CEP63: variants seen among roughly 807,000 people sequenced by gnomAD.
CEP63 encodes centrosomal protein 63.
Under a neutral mutation model 89.1 loss-of-function variants are expected in CEP63, and 84 were observed. The observed-to-expected ratio is 0.94, with a 90% confidence interval of 0.79 to 1.13. The LOEUF is 1.13. CEP63 is among the 50% of genes most tolerant of loss of function. The probability of loss-of-function intolerance (pLI) is 0.00; values close to 1 mark genes in which losing one functional copy is unlikely to be tolerated. For synonymous variants in CEP63, 267 were observed against 272.5 expected (o/e 0.98, Z 0.20); for missense variants, 838 against 813.3 (o/e 1.03, Z -0.37).
At chr3:134,726,890 C>T in the CEP63 span, among the ~76,000 whole-genome samples, 152 of 152,300 alleles carry the variant, frequency 1.0e-3, 3 homozygotes, top group East Asian at 0.026. Context: ...TGGCCTTCTC[C>T]TGTTCCAGCC....
chr3:134,738,379 T>A, the CEP63 span, among the ~76,000 whole-genome samples: 1 of 152,178 alleles, frequency 6.6e-6, no homozygotes, highest in African/African-American at 2.4e-5. Context: ...TAAACCTGCG[T>A]GTGCAAGTAT....
intron 3 of CEP63, among the ~76,000 whole-genome samples, chr3:134,507,880 A>G (rs1232837861): frequency 6.6e-6 from 1 of 152,246 alleles, no homozygotes; most frequent in African/African-American, 2.4e-5. Context: ...TAGCTGGTAA[A>G]TTAGGAGGAA....
At chr3:134,760,080 A>T in the CEP63 span, among the ~76,000 whole-genome samples, 1 of 107,736 alleles carries the variant, frequency 9.3e-6, no homozygotes, top group Non-Finnish European at 2.1e-5. Context: ...TTTTTTTGAG[A>T]CGGAGTCTCG....
chr3:134,654,142 G>T, the CEP63 span, among the ~76,000 whole-genome samples: 90 of 152,274 alleles, frequency 5.9e-4, no homozygotes, highest in Middle Eastern at 3.4e-3. Flanking sequence ...CCCTGCATCC[G>T]ATACTCCTCT....
the CEP63 span, chr3:134,651,601 G>A: frequency 1.0e-6 from 1 of 988,148 alleles, no homozygotes; most frequent in Non-Finnish European, 1.2e-6. Context: ...AGTTGGGTGG[G>A]GTGTTGGAGT....
intron 3 of CEP63, among the ~76,000 whole-genome samples, chr3:134,515,779 T>C (rs190011346): frequency 6.6e-6 from 1 of 152,124 alleles, no homozygotes; most frequent in Non-Finnish European, 1.5e-5. Flanking sequence ...GGGCCACACA[T>C]AAAATACACT....
At chr3:134,700,464 C>G in the CEP63 span, among the ~76,000 whole-genome samples, 1 of 152,206 alleles carries the variant, frequency 6.6e-6, no homozygotes, top group Non-Finnish European at 1.5e-5. Flanking sequence ...CTATCCCACC[C>G]CTCCTCAGTC....
the CEP63 span, among the ~76,000 whole-genome samples, chr3:134,673,041 C>T: frequency 6.6e-6 from 1 of 152,330 alleles, no homozygotes; most frequent in African/African-American, 2.4e-5. Flanking sequence ...CTTCATAGTA[C>T]TTCCACCCCT....
chr3:134,490,394 A>C (rs1246024026), intron 1 of CEP63, among the ~76,000 whole-genome samples: 1 of 152,000 alleles, frequency 6.6e-6, no homozygotes, highest in Non-Finnish European at 1.5e-5. Context: ...AGGCTATTTT[A>C]TTATCAATAT....
intron 3 of CEP63, among the ~76,000 whole-genome samples, chr3:134,524,610 A>G (rs1948240642): frequency 6.6e-6 from 1 of 152,174 alleles, no homozygotes; most frequent in African/African-American, 2.4e-5. Flanking sequence ...AATTTTATCA[A>G]AAGCCTTTTC....
At chr3:134,545,352 ACTC>A (rs1466072356) in intron 6 of CEP63, among the ~76,000 whole-genome samples, 1 of 150,720 alleles carries the variant, frequency 6.6e-6, no homozygotes, top group Non-Finnish European at 1.5e-5. Context: ...CTGATCTCGA[ACTC>A]CTGAGCTCAA....
At chr3:134,781,303 A>G in the CEP63 span, among the ~76,000 whole-genome samples, 1 of 152,180 alleles carries the variant, frequency 6.6e-6, no homozygotes, top group Admixed American at 6.5e-5. Context: ...GATAATAGCC[A>G]TGAGATTTCT....
At chr3:134,669,122 C>T in the CEP63 span, among the ~76,000 whole-genome samples, 1 of 152,108 alleles carries the variant, frequency 6.6e-6, no homozygotes, top group African/African-American at 2.4e-5. Flanking sequence ...ACCTCCTGGG[C>T]TCAAACAATC....
At chr3:134,698,001 A>G in the CEP63 span, among the ~76,000 whole-genome samples, 1 of 152,202 alleles carries the variant, frequency 6.6e-6, no homozygotes, top group African/African-American at 2.4e-5. Flanking sequence ...CAGCATGAAC[A>G]TACAGGTTGT....
chr3:134,515,525 A>G (rs1946024380), intron 3 of CEP63, among the ~76,000 whole-genome samples: 1 of 152,228 alleles, frequency 6.6e-6, no homozygotes, highest in Non-Finnish European at 1.5e-5. Context: ...CAGAAAAAGT[A>G]TGATTGGAGC....
the CEP63 span, chr3:134,629,498 G>A: frequency 1.4e-6 from 1 of 698,380 alleles, no homozygotes; most frequent in South Asian, 1.7e-5. Flanking sequence ...CCTTTTCCCA[G>A]TTTGCAGGCC....
chr3:134,621,349 T>G, the CEP63 span, among the ~76,000 whole-genome samples: 1 of 152,192 alleles, frequency 6.6e-6, no homozygotes, highest in Non-Finnish European at 1.5e-5. Flanking sequence ...TCAAAACAGT[T>G]TGATACTGCC....
chr3:134,653,749 G>A, the CEP63 span, among the ~76,000 whole-genome samples: 3 of 152,138 alleles, frequency 2.0e-5, no homozygotes, highest in Non-Finnish European at 4.4e-5. Context: ...CCCTCCAGCT[G>A]CTCACACAAT....
chr3:134,648,352 C>T, the CEP63 span, among the ~76,000 whole-genome samples: 130,597 of 152,000 alleles, frequency 0.86, 56,775 homozygotes, highest in East Asian at 1. Flanking sequence ...TTCTGCAGAG[C>T]CCCCCATAGC....
Sources: gnomAD v4.1 joint callset for allele counts (sites outside exome capture counted in the v4.1 genomes callset) on GRCh38, gnomAD v4.1.1 for gene constraint, MANE v1.5 for transcripts, NCBI Gene and HGNC (gene_info 2026-07-23, HGNC 2026-07-21) for gene names.